Variants in SMPD3 observed in about 807,000 individuals in gnomAD.
SMPD3 encodes nSMase-2.
In SMPD3, 21 loss-of-function variants were observed where a neutral mutation model predicts 55.7. The ratio of observed to expected loss-of-function variants is 0.38; its 90% CI spans 0.27 to 0.54. SMPD3 has a LOEUF of 0.54. Ranked by LOEUF, SMPD3 falls within the 20% of genes least tolerant of loss-of-function variation. The pLI, the probability that SMPD3 is intolerant of heterozygous loss-of-function variation, is 0.80. For synonymous variants in SMPD3, 457 were observed against 404.3 expected, an observed-to-expected ratio of 1.13 and a Z score of -1.56; for missense variants, 842 against 899.6, an observed-to-expected ratio of 0.94 and a Z score of 0.82.
At chr16:68,401,688 C>T (rs1423032239) in intron 1 of SMPD3, among the ~76,000 whole-genome samples, 1 of 152,146 alleles carries the variant, frequency 6.6e-6, no homozygotes, top group Non-Finnish European at 1.5e-5. Flanking sequence ...AGTTTCAGGG[C>T]ACTGTGCTGG....
rs2089674402 is a variant in SMPD3, at chr16:68,371,668, C to T, written c.514G>A (p.Asp172Asn). ...CTGATGGAGGTATTGGTGGGGGAGT[C>T]GATGTAAATTTTGATCTGGGGCCGG... Reference protein sequence around the residue: ...AARPQIKIYIDSPTNTSISAA... With the variant: ...AARPQIKIYINSPTNTSISAA... Residue 172 changes from aspartate (D) to asparagine (N), a missense_variant, in exon 3 of 9, where the codon GAC becomes AAC. By Grantham distance (23) the Asp-to-Asn change is conservative. This residue lies in a region of SMPD3 where 193 missense variants were observed against 256.0 expected (regional missense o/e 0.75). Coordinates refer to ENST00000219334, the MANE Select transcript of SMPD3 (RefSeq NM_018667.4). The T allele has an allele frequency of 6.4e-7, 1 of 1,566,708 alleles. No homozygotes were observed. Among genetic ancestry groups the T allele is most frequent in the Non-Finnish European group, 8.6e-7 (1 of 1,156,928 alleles).
chr16:68,440,249 T>TA lies in SMPD3; in HGVS notation c.-269+8103dup, dbSNP rs1365657370. On this transcript the variant is annotated intron_variant, in intron 1 of 8. Coordinates refer to ENST00000219334, the MANE Select transcript of SMPD3 (RefSeq NM_018667.4). Reference sequence around the variant, plus strand: ...CTCATTCCAGTAGCCCAAGCTGGAGTACAGTGGTGCAATGTTGGCTCACTG... The same window carrying TA: ...CTCATTCCAGTAGCCCAAGCTGGAGTAACAGTGGTGCAATGTTGGCTCACTG... 7.2e-5 allele frequency among the ~76,000 whole-genome samples: 11 copies of TA among 152,240 alleles called. 1 individual carries two copies. The East Asian group carries it at 2.1e-3, about 29-fold the overall frequency.
intron 1 of SMPD3, among the ~76,000 whole-genome samples, chr16:68,419,044 T>C (rs1180158516): frequency 1.3e-5 from 2 of 151,992 alleles, no homozygotes; most frequent in Non-Finnish European, 2.9e-5. Context: ...CAGGCCCCAG[T>C]ATGGTCTATT....
rs146233675 is a variant in SMPD3 at position 68,361,650 on chromosome 16, C to T, written c.1819G>A (p.Asp607Asn). 1.6e-5 allele frequency: 25 copies of T among 1,611,616 alleles called. No homozygotes were observed. Among genetic ancestry groups the T allele is most frequent in the Middle Eastern group, 1.6e-4 (1 of 6,084 alleles). ...ELLKGNGRRI[D>N]YMLHAEEGLC... ...CCCTCCTCTGCATGCAGCATGTAGT[C>T]GATGCGCCGGCCGTTGCCCTTCAGC... Residue 607 changes from aspartate to asparagine, a missense_variant, in exon 8 of 9, where the codon GAC becomes AAC. Transcript: ENST00000219334.
intron 1 of SMPD3, among the ~76,000 whole-genome samples, chr16:68,402,575 CAA>C (rs1427003883): frequency 6.6e-6 from 1 of 152,110 alleles, no homozygotes; most frequent in Admixed American, 6.5e-5. Flanking sequence ...CCTGAATGTT[CAA>C]GTTTATCCTC....
Position 68,364,802 on chromosome 16 carries a change from C to T in SMPD3, c.1504G>A (p.Val502Met). 2 of 1,613,926 alleles carry T rather than the reference C, an allele frequency of 1.2e-6. No individual in the cohort carries two copies. The highest frequency in any genetic ancestry group is 1.7e-6 in the Non-Finnish European group (2 of 1,180,032). The change falls in exon 5 of 9, where the codon GTG becomes ATG. Residue 502 changes from valine (V) to methionine (M), a missense_variant. Physicochemically the swap from Val to Met is conservative, Grantham distance 21. Around this residue, in one of 2 missense-constraint regions of SMPD3, gnomAD observed 649 missense variants for 643.6 expected, o/e 1.01. Transcript: ENST00000219334. ...SSSAANPEEL[V>M]AFDVVCGDFN... ...TCTCCACAGACGACGTCAAATGCCA[C>T]CAGCTCCTCGGGGTTGGCTGCGCTG...
At chr16:68,410,239 C>A (rs2090288446) in intron 1 of SMPD3, among the ~76,000 whole-genome samples, 1 of 152,174 alleles carries the variant, frequency 6.6e-6, no homozygotes, top group African/African-American at 2.4e-5. Context: ...GGTTACTCCA[C>A]AGGTGTCAGG....
intron 1 of SMPD3, among the ~76,000 whole-genome samples, chr16:68,430,890 C>T (rs894232883): frequency 2.0e-5 from 3 of 152,130 alleles, no homozygotes; most frequent in African/African-American, 4.8e-5. Flanking sequence ...TGCAGAATGT[C>T]GTGTCAAGTG....
chr16:68,363,625 C>A, intron 6 of SMPD3, 66 bp from the exon 7 acceptor site: 1 of 1,524,494 alleles, frequency 6.6e-7, no homozygotes. Flanking sequence ...TAGGGGGTGG[C>A]CTCTGTGGGT....
At position 68,444,445 on chromosome 16, in the gene SMPD3, T is replaced by C. The variant is rs369222729; in HGVS notation, c.-269+3908A>G. 2.2e-4 allele frequency among the ~76,000 whole-genome samples: 34 copies of C among 152,306 alleles called. No individual in the cohort carries two copies. The East Asian group carries it at 2.9e-3, about 13-fold the overall frequency. ...CAACATGACCAGCCCTTCTGGAAATTTCTAAGGAGCCTCTCAGAACTGCTC... is the reference window on the plus strand; with the variant it reads ...CAACATGACCAGCCCTTCTGGAAATCTCTAAGGAGCCTCTCAGAACTGCTC... On this transcript the variant is annotated intron_variant, in intron 1 of 8. Coordinates refer to ENST00000219334, the MANE Select transcript of SMPD3 (RefSeq NM_018667.4).
At chr16:68,413,951 C>T (rs1376557332) in intron 1 of SMPD3, among the ~76,000 whole-genome samples, 2 of 152,184 alleles carry the variant, frequency 1.3e-5, no homozygotes, top group Non-Finnish European at 2.9e-5. Context: ...ACCTTCTCAC[C>T]ATCCTAGCTG....
In SMPD3 at chr16:68,386,627, CCTT is replaced by C. The variant is rs1038160380; in HGVS notation, c.-239_-237del. ...GGAGGGGCCACTGGGACCTTGTTGT[CCTT>C]CTCTCTGAAGAAGAGCTGTCACCGC... On this transcript the variant is annotated 5_prime_UTR_variant, in exon 2 of 9. Transcript: ENST00000219334. 2.1e-5 allele frequency: 3 copies of C among 143,782 alleles called. No individual in the cohort carries two copies. Among genetic ancestry groups the C allele is most frequent in the Non-Finnish European group, 3.1e-5 (2 of 65,534 alleles). 8.9% of individuals were successfully genotyped at this position (143,782 alleles called of 1,614,324 possible). A position where few individuals can be genotyped will look rare whatever the true frequency, so the allele number is the denominator to read the frequency against.
rs1047045989 is a variant in SMPD3 at position 68,404,215 on chromosome 16, G to A, written c.-268-17556C>T. Reference sequence around the variant, plus strand: ...TTTTTTTTTTTTGAGATGGAGTTTCGCTCTTGTTGCCCAGGCTGGACATTA... The same window carrying A: ...TTTTTTTTTTTTGAGATGGAGTTTCACTCTTGTTGCCCAGGCTGGACATTA... On this transcript the variant is annotated intron_variant, in intron 1 of 8. Transcript: ENST00000219334. The surrounding 1 kb of genome is among the most constrained non-coding windows in gnomAD (Gnocchi z 4.0). Among the ~76,000 whole-genome samples, 4 of 144,926 alleles carry A rather than the reference G, an allele frequency of 2.8e-5. No individual in the cohort carries two copies. The highest frequency in any genetic ancestry group is 2.2e-4 in the South Asian group (1 of 4,576).
intron 1 of SMPD3, among the ~76,000 whole-genome samples, chr16:68,431,910 A>AG (rs1252329998): frequency 6.6e-6 from 1 of 152,276 alleles, no homozygotes; most frequent in Non-Finnish European, 1.5e-5. Context: ...CAACAGAGCA[A>AG]GACTCTGTCT....
At position 68,371,907 on chromosome 16, in the gene SMPD3, C is replaced by T. The variant is rs376832698; in HGVS notation, c.275G>A (p.Arg92His). 10 of 1,610,412 alleles carry T rather than the reference C, an allele frequency of 6.2e-6. No homozygotes were observed. Among genetic ancestry groups the T allele is most frequent in the African/African-American group, 2.7e-5 (2 of 74,914 alleles). Residue 92 changes from arginine (R) to histidine (H), a missense_variant, in exon 3 of 9, where the codon CGC becomes CAC. Arg to His is a conservative substitution (Grantham distance 29). Transcript: ENST00000219334. Reference sequence around the variant, plus strand: ...CAGCCGTGAATAGATGTAGGGCCGGCGGGCCGACTGCAGTGGGGACCAGAA... The same window carrying T: ...CAGCCGTGAATAGATGTAGGGCCGGTGGGCCGACTGCAGTGGGGACCAGAA... ...FLFWSPLQSARRPYIYSRLED... is the reference protein window; with the variant it reads ...FLFWSPLQSAHRPYIYSRLED...
intron 4 of SMPD3, 44 bp downstream of exon 4, chr16:68,364,973 C>CT: frequency 6.2e-7 from 1 of 1,613,886 alleles, no homozygotes; most frequent in Non-Finnish European, 8.5e-7. Flanking sequence ...GCCCCAGGCA[C>CT]TGATCCCATG....
intron 7 of SMPD3, among the ~76,000 whole-genome samples, chr16:68,362,079 C>T (rs907312146): frequency 3.9e-5 from 6 of 152,220 alleles, no homozygotes; most frequent in African/African-American, 1.4e-4. Flanking sequence ...GGCTTCTGCC[C>T]TGAGCCAACA....
In SMPD3 at chr16:68,372,339, G is replaced by T; in HGVS notation, c.-158C>A. The T allele has an allele frequency of 1.0e-6, 1 of 969,904 alleles. No individual in the cohort carries two copies. The allele number at this position is 969,904 out of a possible 1,614,324, so 60.1% of individuals were successfully genotyped here. On this transcript the variant is annotated 5_prime_UTR_variant, in exon 3 of 9. The change creates a new upstream start codon in the 5' untranslated region. Coordinates refer to ENST00000219334, the MANE Select transcript of SMPD3 (RefSeq NM_018667.4). The stretch of plus-strand genomic sequence containing the variant: ...GCTGGTCAATGGCGAATGTTGGCCA[G>T]CCGGTCATGGTTCACCTCGGTGGGC...
At position 68,404,028 on chromosome 16, in the gene SMPD3, TTTTCTTTC is replaced by T. The variant is rs2090232570; in HGVS notation, c.-268-17377_-268-17370del. Among the ~76,000 whole-genome samples the T allele has an allele frequency of 6.6e-6, 1 of 152,156 alleles. No homozygotes were observed. The highest frequency in any genetic ancestry group is 2.1e-4 in the South Asian group (1 of 4,814). On this transcript the variant is annotated intron_variant, in intron 1 of 8. Coordinates refer to ENST00000219334, the MANE Select transcript of SMPD3 (RefSeq NM_018667.4). This position sits in a 1 kb window ranked among gnomAD's most constrained non-coding sequence, Gnocchi z 4.0. ...CTGCCATTGTTTCTCTGTTTTCTTT[TTTTCTTTC>T]TTTCTTTATTCTTTGACAGGGTCTC...
Sources: gnomAD v4.1 joint callset for allele counts (sites outside exome capture counted in the v4.1 genomes callset) on GRCh38, gnomAD v4.1.1 for gene constraint, gnomAD v4.1.1 regional missense constraint, Gnocchi (gnomAD v3.1) non-coding constraint, MANE v1.5 for transcripts, NCBI Gene and HGNC (gene_info 2026-07-23, HGNC 2026-07-21) for gene names.